The following SLC9A9 variants were observed in gnomAD, a reference collection of about 807,000 sequenced individuals.
SLC9A9 encodes the protein sodium/hydrogen exchanger 9.
In SLC9A9, 62 loss-of-function variants were observed where a neutral mutation model predicts 77.8. The observed-to-expected ratio is 0.80, with a 90% confidence interval of 0.65 to 0.98. The LOEUF (loss-of-function observed/expected upper bound fraction) is 0.98, where lower values mean the gene tolerates loss of function less well. SLC9A9 is among the 50% of genes least tolerant of loss of function. SLC9A9 has a pLI of 0.00. For missense variants in SLC9A9, 775 were observed against 774.9 expected, an observed-to-expected ratio of 1.00 and a Z score of 0.00; for synonymous variants, 320 against 283.5, an observed-to-expected ratio of 1.13 and a Z score of -1.29.
At chr3:143,459,210 A>T (rs1282076580) in intron 12 of SLC9A9, among the ~76,000 whole-genome samples, 1 of 151,920 alleles carries the variant, frequency 6.6e-6, no homozygotes, top group African/African-American at 2.4e-5. Flanking sequence ...TGATTCATTA[A>T]TTCCAATATA....
chr3:143,487,453 C>T (rs535425028), intron 11 of SLC9A9, among the ~76,000 whole-genome samples: 33 of 151,856 alleles, frequency 2.2e-4, no homozygotes, highest in African/African-American at 6.0e-4. Flanking sequence ...ATCTACCCAA[C>T]GACAACAACA....
At chr3:143,625,420 T>A (rs1353748758) in intron 6 of SLC9A9, among the ~76,000 whole-genome samples, 1 of 152,114 alleles carries the variant, frequency 6.6e-6, no homozygotes, top group Non-Finnish European at 1.5e-5. Flanking sequence ...AACAGAGATA[T>A]AGACCAATGG....
intron 4 of SLC9A9, among the ~76,000 whole-genome samples, chr3:143,762,270 A>G (rs537783347): frequency 6.6e-6 from 1 of 152,280 alleles, no homozygotes; most frequent in Admixed American, 6.5e-5. Flanking sequence ...CAGCACACCA[A>G]CATGGCACAT....
chr3:143,379,730 G>T (rs2033260924), intron 13 of SLC9A9, among the ~76,000 whole-genome samples: 1 of 152,098 alleles, frequency 6.6e-6, no homozygotes, highest in Non-Finnish European at 1.5e-5. Context: ...CTAATGATGT[G>T]AATTTAATAT....
chr3:143,486,212 C>T (rs1288765310), intron 11 of SLC9A9, among the ~76,000 whole-genome samples: 3 of 152,088 alleles, frequency 2.0e-5, no homozygotes, highest in Admixed American at 2.0e-4. Context: ...GCAAAACTGT[C>T]CTTCAAAAGT....
rs1286556547 is a variant in SLC9A9 at position 143,266,878 on chromosome 3, C to G, written c.1762G>C (p.Ala588Pro). 1 of 1,614,102 alleles carries G rather than the reference C, an allele frequency of 6.2e-7. No individual in the cohort carries two copies. The highest frequency in any genetic ancestry group is 8.5e-7 in the Non-Finnish European group (1 of 1,180,004). ...GAGGCTTGCTCCTGGTAATTTATGGCTAGTTCATCCTGGTTTACAATGCAT... is the reference window on the plus strand; with the variant it reads ...GAGGCTTGCTCCTGGTAATTTATGGGTAGTTCATCCTGGTTTACAATGCAT... The part of the protein sequence containing the change: ...VECIVNQDEL[A>P]INYQEQASSP... Residue 588 changes from alanine (A) to proline (P), a missense_variant, in exon 16 of 16, where the codon GCC (alanine) becomes CCC (proline). Transcript: ENST00000316549.
intron 4 of SLC9A9, among the ~76,000 whole-genome samples, chr3:143,792,582 C>G (rs1253339030): frequency 6.6e-6 from 1 of 152,088 alleles, no homozygotes; most frequent in Non-Finnish European, 1.5e-5. Context: ...CCTTTGACTT[C>G]CAGAACACAT....
chr3:143,439,773 G>A (rs1232264996), intron 12 of SLC9A9, among the ~76,000 whole-genome samples: 5 of 142,962 alleles, frequency 3.5e-5, no homozygotes, highest in Admixed American at 3.5e-4. Flanking sequence ...GCTCTGAGAG[G>A]AGGCTGGAGT....
chr3:143,490,953 G>C (rs1425466407), intron 11 of SLC9A9, among the ~76,000 whole-genome samples: 1 of 152,104 alleles, frequency 6.6e-6, no homozygotes, highest in Non-Finnish European at 1.5e-5. Context: ...AATGACGTTA[G>C]AAATATAAAG....
chr3:143,374,737 T>C (rs1191451208), intron 13 of SLC9A9, among the ~76,000 whole-genome samples: 3 of 152,114 alleles, frequency 2.0e-5, no homozygotes, highest in Non-Finnish European at 4.4e-5. Context: ...TTATGGAAAA[T>C]GGGGTATCCA....
At chr3:143,778,173 T>C (rs893370046) in intron 4 of SLC9A9, among the ~76,000 whole-genome samples, 7 of 151,994 alleles carry the variant, frequency 4.6e-5, no homozygotes, top group African/African-American at 1.7e-4. Context: ...TATTCTCAGG[T>C]TTTGTACTTA....
At chr3:143,517,506 G>T in intron 9 of SLC9A9, 3 of 1,597,642 alleles carry the variant, frequency 1.9e-6, no homozygotes, top group South Asian at 1.1e-5. Flanking sequence ...CGCTCTTCAC[G>T]TTTTCGCTCA....
chr3:143,526,182 A>G (rs988307096), intron 9 of SLC9A9, among the ~76,000 whole-genome samples: 5 of 152,208 alleles, frequency 3.3e-5, no homozygotes, highest in Admixed American at 2.0e-4. Flanking sequence ...CTCAAACCAC[A>G]GTCACATCTT....
chr3:143,401,985 C>A (rs1057369516), intron 12 of SLC9A9, among the ~76,000 whole-genome samples: 2 of 152,144 alleles, frequency 1.3e-5, no homozygotes, highest in Admixed American at 1.3e-4. Context: ...ATGGAGAAAT[C>A]TAGATTCTAC....
At chr3:143,564,667 T>C (rs1415839906) in intron 8 of SLC9A9, among the ~76,000 whole-genome samples, 1 of 152,112 alleles carries the variant, frequency 6.6e-6, no homozygotes, top group Non-Finnish European at 1.5e-5. Flanking sequence ...ACAATTACCA[T>C]CTAGTTCACC....
intron 6 of SLC9A9, among the ~76,000 whole-genome samples, chr3:143,648,014 C>T (rs2108744894): frequency 6.6e-6 from 1 of 152,030 alleles, no homozygotes; most frequent in South Asian, 2.1e-4. Context: ...TTAATAAAAC[C>T]AGAGAGATCT....
At chr3:143,788,079 G>A (rs1439600211) in intron 4 of SLC9A9, among the ~76,000 whole-genome samples, 7 of 151,992 alleles carry the variant, frequency 4.6e-5, no homozygotes, top group African/African-American at 1.7e-4. Context: ...TCTAGAAACA[G>A]ACACCACAAT....
At position 143,379,043 on chromosome 3, in the gene SLC9A9, T is replaced by A. The variant is rs183890264; in HGVS notation, c.1524+3017A>T. Among the ~76,000 whole-genome samples, 164 of 151,016 alleles carry A rather than the reference T, an allele frequency of 1.1e-3. 7 individuals carry two copies. In the East Asian group the frequency reaches 0.027, roughly 25 times the overall value. ...ATTAATATATATAATTTTAAATATA[T>A]ATATATAGTTTATTCTTGATTTTGA... On this transcript the variant is annotated intron_variant, in intron 13 of 15. Transcript: ENST00000316549.
chr3:143,790,321 TA>T (rs2008182894), intron 4 of SLC9A9, among the ~76,000 whole-genome samples: 1 of 152,200 alleles, frequency 6.6e-6, no homozygotes, highest in Non-Finnish European at 1.5e-5. Flanking sequence ...ATTAAGCAAG[TA>T]AAATGGATTC....
Sources: allele counts gnomAD v4.1 joint callset (sites outside exome capture counted in the v4.1 genomes callset), GRCh38; gene constraint gnomAD v4.1.1; transcripts MANE v1.5; gene names NCBI Gene and HGNC (gene_info 2026-07-23, HGNC 2026-07-21).